SOCS6: variants seen among roughly 807,000 people sequenced by gnomAD.
The protein encoded by SOCS6 is suppressor of cytokine signaling 6.
SOCS6 carries 5 observed loss-of-function variants against 27.7 expected under a neutral mutation model. The observed-to-expected ratio is 0.18, with a 90% CI of 0.09 to 0.38. The LOEUF (loss-of-function observed/expected upper bound fraction) is 0.38. Ranked by LOEUF, SOCS6 falls within the 10% of genes least tolerant of loss-of-function variation. The pLI, the probability that SOCS6 is intolerant of heterozygous loss-of-function variation, is 1.00. For synonymous variants in SOCS6, 271 were observed against 260.0 expected, an observed-to-expected ratio of 1.04 and a Z score of -0.41; for missense variants, 595 against 688.1, an observed-to-expected ratio of 0.86 and a Z score of 1.51.
At chr18:70,324,302 AAAT>A (rs560395562) in intron 1 of SOCS6, among the ~76,000 whole-genome samples, 5 of 150,172 alleles carry the variant, frequency 3.3e-5, no homozygotes, top group Admixed American at 6.6e-5. Context: ...ACTCATCTCA[AAAT>A]AATAATAATA....
intron 1 of SOCS6, among the ~76,000 whole-genome samples, chr18:70,309,324 G>T (rs2062381295): frequency 6.6e-6 from 1 of 152,108 alleles, no homozygotes; most frequent in Admixed American, 6.5e-5. Context: ...ACTAAAGTTT[G>T]CTGACTCCTG....
At chr18:70,292,773 C>CCGTT (rs1352377513) in intron 1 of SOCS6, among the ~76,000 whole-genome samples, 1 of 152,202 alleles carries the variant, frequency 6.6e-6, no homozygotes, top group Non-Finnish European at 1.5e-5. Context: ...CCTAGCCTTT[C>CCGTT]CGTTCCTCAA....
intron 1 of SOCS6, among the ~76,000 whole-genome samples, chr18:70,306,354 G>A (rs1192958738): frequency 6.6e-6 from 1 of 151,334 alleles, no homozygotes; most frequent in Non-Finnish European, 1.5e-5. Context: ...CACGCTACTG[G>A]GGAGGCTACT....
intron 1 of SOCS6, among the ~76,000 whole-genome samples, chr18:70,309,827 G>A (rs945135091): frequency 7.9e-5 from 12 of 152,150 alleles, no homozygotes; most frequent in Non-Finnish European, 1.5e-4. Flanking sequence ...GGGATTACAG[G>A]CATGTGCCAC....
Position 70,311,794 on chromosome 18 carries a change from C to T in SOCS6, c.-126-12749C>T, listed in dbSNP as rs1006836320. On this transcript the variant is annotated intron_variant, in intron 1 of 1. Transcript: ENST00000397942. The stretch of plus-strand genomic sequence containing the variant: ...ATCTCGCTTTATCTCTACAACATTC[C>T]CTTGTATTGATTATCATTTATTAAA... 9.2e-5 allele frequency among the ~76,000 whole-genome samples: 14 copies of T among 152,034 alleles called. 1 individual carries two copies. The East Asian group carries it at 1.5e-3, about 17-fold the overall frequency.
At position 70,326,141 on chromosome 18, in the gene SOCS6, G is replaced by T. The variant is rs556253074; in HGVS notation, c.1473G>T (p.Val491=). The change falls in exon 2 of 2, where the codon GTG becomes GTT. Residue 491 remains valine (V), a synonymous_variant. Transcript: ENST00000397942. ...ACCCCGTCAGACTGACCAACCCAGT[G>T]TCCCGGTTCATGCAGGTGCGCTCGT... ...ATYPVRLTNP[V]SRFMQVRSLQ... 2.2e-5 allele frequency: 35 copies of T among 1,614,190 alleles called. No homozygotes were observed. The highest frequency in any genetic ancestry group is 2.9e-5 in the Non-Finnish European group (34 of 1,180,036).
intron 1 of SOCS6, among the ~76,000 whole-genome samples, chr18:70,299,149 A>G (rs143466765): frequency 4.0e-4 from 61 of 152,210 alleles, no homozygotes; most frequent in African/African-American, 1.4e-3. Context: ...AACTGAGTCC[A>G]ACATTTCAGT....
chr18:70,305,529 T>G (rs1021758274), intron 1 of SOCS6, among the ~76,000 whole-genome samples: 3 of 152,232 alleles, frequency 2.0e-5, no homozygotes, highest in Non-Finnish European at 2.9e-5. Context: ...ATAGTGTAAC[T>G]TTGTTCTTTT....
rs1389372716 is a variant in SOCS6, at chr18:70,325,334, G to A, written c.666G>A (p.Gln222=). 3 of 1,614,148 alleles carry A rather than the reference G, an allele frequency of 1.9e-6. No homozygotes were observed. Among genetic ancestry groups the A allele is most frequent in the South Asian group, 2.2e-5 (2 of 91,082 alleles). The change falls in exon 2 of 2, where the codon CAG becomes CAA. Residue 222 remains glutamine, a synonymous_variant. Transcript: ENST00000397942. This position sits in a 1 kb window ranked among gnomAD's most constrained non-coding sequence, Gnocchi z 6.3. ...GACTTATGCCTCAGGACTACATTCAGTATACTGTGCCTTTAGATGAGGGGA... is the reference window on the plus strand; with the variant it reads ...GACTTATGCCTCAGGACTACATTCAATATACTGTGCCTTTAGATGAGGGGA... ...VIGLMPQDYI[Q]YTVPLDEGMY... is the part of the protein sequence containing the mutation.
chr18:70,316,706 T>G (rs1048901044), intron 1 of SOCS6, among the ~76,000 whole-genome samples: 6 of 152,192 alleles, frequency 3.9e-5, no homozygotes, highest in African/African-American at 1.4e-4. Context: ...AGGACTCTTT[T>G]TTTTCTTCAA....
intron 1 of SOCS6, among the ~76,000 whole-genome samples, chr18:70,321,486 A>ATTTTTTTTTTTTTTTTTTT (rs765150837): frequency 1.2e-4 from 14 of 112,660 alleles, no homozygotes; most frequent in African/African-American, 4.6e-4. Context: ...ATGCCTGGCT[A>ATTTTTTTTTTTTTTTTTTT]TTTTTTTTTT....
chr18:70,295,184 A>G (rs1344422102), intron 1 of SOCS6, among the ~76,000 whole-genome samples: 1 of 152,254 alleles, frequency 6.6e-6, no homozygotes, highest in African/African-American at 2.4e-5. Context: ...TGTGCTTAAA[A>G]TACCTTTTTG....
chr18:70,293,522 T>C (rs1442539191), intron 1 of SOCS6, among the ~76,000 whole-genome samples: 1 of 152,212 alleles, frequency 6.6e-6, no homozygotes, highest in Non-Finnish European at 1.5e-5. Context: ...CATAGCTTAG[T>C]GAAGTGAAAC....
Position 70,325,509 on chromosome 18 carries a change from G to C in SOCS6, c.841G>C (p.Val281Leu). The C allele has an allele frequency of 1.2e-6, 2 of 1,614,146 alleles. No individual in the cohort carries two copies. The highest frequency in any genetic ancestry group is 2.2e-5 in the South Asian group (2 of 91,070). The change falls in exon 2 of 2, where the codon GTG (valine) becomes CTG (leucine). Residue 281 changes from valine (V) to leucine (L), a missense_variant. By Grantham distance (32) the Val-to-Leu change is conservative. Around this residue, in one of 2 missense-constraint regions of SOCS6, gnomAD observed 467 missense variants for 481.1 expected, o/e 0.97. Coordinates refer to ENST00000397942, the MANE Select transcript of SOCS6 (RefSeq NM_004232.4). The surrounding 1 kb of genome is among the most constrained non-coding windows in gnomAD (Gnocchi z 6.3). ...QDLVVAPEIFVDQSVNGLLIG... is the reference protein window; with the variant it reads ...QDLVVAPEIFLDQSVNGLLIG... ...CCTAGTTGTCGCCCCAGAGATCTTC[G>C]TGGATCAGTCCGTGAATGGCTTGTT...
At chr18:70,309,234 T>G (rs149049592) in intron 1 of SOCS6, among the ~76,000 whole-genome samples, 71 of 152,302 alleles carry the variant, frequency 4.7e-4, no homozygotes, top group African/African-American at 1.5e-3. Context: ...ACTTTTTTGT[T>G]TTTTTATCAT....
Position 70,325,458 on chromosome 18 carries a change from G to A in SOCS6, c.790G>A (p.Glu264Lys), listed in dbSNP as rs1191951381. 2.5e-6 allele frequency: 4 copies of A among 1,614,176 alleles called. No homozygotes were observed. The highest frequency in any genetic ancestry group is 2.2e-5 in the East Asian group (1 of 44,870). ...PPQVGGRAFPEDESQVDQDLV... is the reference protein window; with the variant it reads ...PPQVGGRAFPKDESQVDQDLV... ...TCAAGTGGGAGGGCGCGCTTTCCCC[G>A]AGGATGAGAGTCAGGTAGACCAGGA... Residue 264 changes from glutamate to lysine, a missense_variant, in exon 2 of 2, where the codon GAG (glutamate) becomes AAG (lysine). Physicochemically the swap from Glu to Lys is moderately conservative, Grantham distance 56. Coordinates refer to ENST00000397942, the MANE Select transcript of SOCS6 (RefSeq NM_004232.4). This position sits in a 1 kb window ranked among gnomAD's most constrained non-coding sequence, Gnocchi z 6.3.
At chr18:70,303,289 T>G (rs1227867555) in intron 1 of SOCS6, among the ~76,000 whole-genome samples, 1 of 152,246 alleles carries the variant, frequency 6.6e-6, no homozygotes, top group East Asian at 1.9e-4. Context: ...AAAGTTCCAT[T>G]GTGTAAATGT....
chr18:70,312,681 T>G (rs1184508120), intron 1 of SOCS6, among the ~76,000 whole-genome samples: 1 of 152,166 alleles, frequency 6.6e-6, no homozygotes, highest in Non-Finnish European at 1.5e-5. Flanking sequence ...TTTAGTTGTA[T>G]TTTGTTGAGT....
At chr18:70,314,696 A>G (rs1600162074) in intron 1 of SOCS6, among the ~76,000 whole-genome samples, 1 of 152,172 alleles carries the variant, frequency 6.6e-6, no homozygotes, top group Non-Finnish European at 1.5e-5. Context: ...GAATTTTCAG[A>G]TGTTTAATCA....
Sources: gnomAD v4.1 joint callset for allele counts (sites outside exome capture counted in the v4.1 genomes callset) on GRCh38, gnomAD v4.1.1 for gene constraint, gnomAD v4.1.1 regional missense constraint, Gnocchi (gnomAD v3.1) non-coding constraint, MANE v1.5 for transcripts, NCBI Gene and HGNC (gene_info 2026-07-23, HGNC 2026-07-21) for gene names.